The following FRMD3 variants were observed in gnomAD, a reference collection of about 807,000 sequenced individuals.
FRMD3 encodes the protein FERM domain containing 3.
Under a neutral mutation model 70.2 loss-of-function variants are expected in FRMD3, and 33 were observed. The ratio of observed to expected loss-of-function variants is 0.47; its 90% CI spans 0.36 to 0.63. The LOEUF (loss-of-function observed/expected upper bound fraction) is 0.63, where lower values mean the gene tolerates loss of function less well. Among genes scored for constraint, FRMD3 ranks in the 20% least tolerant of loss-of-function variants. The pLI, the probability that FRMD3 is intolerant of heterozygous loss-of-function variation, is 0.00. For missense variants in FRMD3, 632 were observed against 711.4 expected (o/e 0.89, Z 1.27); for synonymous variants, 279 against 255.9 (o/e 1.09, Z -0.86).
chr9:83,482,713 T>C (rs1828596052), intron 1 of FRMD3, among the ~76,000 whole-genome samples: 1 of 152,188 alleles, frequency 6.6e-6, no homozygotes, highest in Admixed American at 6.5e-5. Context: ...TCCTAGGCTA[T>C]GTGCCAAGGG....
At chr9:83,308,662 T>A (rs182293907) in intron 10 of FRMD3, among the ~76,000 whole-genome samples, 157 of 152,314 alleles carry the variant, frequency 1.0e-3, no homozygotes, top group Middle Eastern at 6.8e-3. Flanking sequence ...TGCACAGATC[T>A]CAGTTTGAAC....
intron 1 of FRMD3, among the ~76,000 whole-genome samples, chr9:83,516,968 G>C (rs562623198): frequency 1.3e-5 from 2 of 152,290 alleles, no homozygotes; most frequent in African/African-American, 4.8e-5. Context: ...TACAGCTAAA[G>C]CACTGTTTAG....
chr9:83,385,796 C>T (rs184554775), intron 2 of FRMD3, among the ~76,000 whole-genome samples: 213 of 152,114 alleles, frequency 1.4e-3, no homozygotes, highest in Non-Finnish European at 2.4e-3. Flanking sequence ...ACCAGCATGT[C>T]TCTGTTTATG....
chr9:83,509,331 G>A (rs1156332231), intron 1 of FRMD3, among the ~76,000 whole-genome samples: 1 of 152,132 alleles, frequency 6.6e-6, no homozygotes, highest in African/African-American at 2.4e-5. Context: ...TATGGGTTAG[G>A]TTTAAATTCA....
At position 83,288,447 on chromosome 9, in the gene FRMD3, C is replaced by A. The variant is rs578127830; in HGVS notation, c.1195+2156G>T. Among the ~76,000 whole-genome samples the A allele has an allele frequency of 3.3e-5, 5 of 152,270 alleles. No individual in the cohort carries two copies. In the East Asian group the frequency reaches 5.8e-4, roughly 18 times the overall value. ...AATATTGTTGTTTCTACTTCTCTTG[C>A]TTTTTAATTGAGTCTATATCATGAA... On this transcript the variant is annotated intron_variant, in intron 13 of 13. Transcript: ENST00000304195.
chr9:83,519,299 A>G (rs1829520544), intron 1 of FRMD3, among the ~76,000 whole-genome samples: 1 of 152,232 alleles, frequency 6.6e-6, no homozygotes, highest in Non-Finnish European at 1.5e-5. Flanking sequence ...TAACAAGAAA[A>G]AAACAAACAA....
rs74791100 is a variant in FRMD3, at chr9:83,437,488, T to C, written c.148-47780A>G. ...TTTTAATTTATTGAAAATTACACCT[T>C]GAGATTTTCTTTATCGTTTAGTCCA... On this transcript the variant is annotated intron_variant, in intron 1 of 13. Coordinates refer to ENST00000304195, the MANE Select transcript of FRMD3 (RefSeq NM_174938.6). 5.5e-3 allele frequency among the ~76,000 whole-genome samples: 838 copies of C among 152,308 alleles called. 4 individuals carry two copies. The highest frequency in any genetic ancestry group is 9.1e-3 in the Non-Finnish European group (619 of 68,026).
intron 13 of FRMD3, among the ~76,000 whole-genome samples, chr9:83,282,198 T>C (rs1380747188): frequency 6.6e-6 from 1 of 152,240 alleles, no homozygotes; most frequent in East Asian, 1.9e-4. Context: ...AGAAGAATCC[T>C]GAGGGTATGT....
At chr9:83,310,583 A>C in intron 8 of FRMD3, 35 bp from the exon 9 acceptor site, 1 of 1,544,538 alleles carries the variant, frequency 6.5e-7, no homozygotes, top group Non-Finnish European at 8.7e-7. Context: ...AGAAGAAAAA[A>C]AGTGGCAGCT....
chr9:83,291,682 C>A (rs1049087960), intron 12 of FRMD3, among the ~76,000 whole-genome samples: 1 of 151,988 alleles, frequency 6.6e-6, no homozygotes, highest in East Asian at 1.9e-4. Flanking sequence ...ACTGATCATC[C>A]CCACCTAGAT....
intron 1 of FRMD3, among the ~76,000 whole-genome samples, chr9:83,489,688 A>T (rs1828772893): frequency 6.6e-6 from 1 of 152,222 alleles, no homozygotes; most frequent in Non-Finnish European, 1.5e-5. Context: ...CCATTGTGGA[A>T]AGCAGTTCGA....
chr9:83,547,630 T>C, the FRMD3 span, among the ~76,000 whole-genome samples: 2 of 152,098 alleles, frequency 1.3e-5, no homozygotes, highest in Non-Finnish European at 2.9e-5. Flanking sequence ...GACAGATTAT[T>C]GAGGCAGAAA....
At chr9:83,567,520 T>C in the FRMD3 span, among the ~76,000 whole-genome samples, 1 of 152,254 alleles carries the variant, frequency 6.6e-6, no homozygotes, top group Non-Finnish European at 1.5e-5. Context: ...TACGGCATCA[T>C]CGGGCTACAA....
At chr9:83,530,292 T>C (rs903585931) in intron 1 of FRMD3, among the ~76,000 whole-genome samples, 1 of 152,246 alleles carries the variant, frequency 6.6e-6, no homozygotes, top group Non-Finnish European at 1.5e-5. Context: ...TGGACTGGAC[T>C]ACTATTCAAC....
chr9:83,585,045 T>C, the FRMD3 span, among the ~76,000 whole-genome samples: 4 of 152,162 alleles, frequency 2.6e-5, no homozygotes, highest in African/African-American at 7.2e-5. Flanking sequence ...CTTAGGAACA[T>C]CACTTCTCTC....
Position 83,245,667 on chromosome 9 carries a change from ATAATAT to A in FRMD3, c.*2245_*2250del, listed in dbSNP as rs1478068949. 65 of 881,294 alleles carry A rather than the reference ATAATAT, an allele frequency of 7.4e-5. No individual in the cohort carries two copies. Among genetic ancestry groups the A allele is most frequent in the Non-Finnish European group, 8.7e-5 (64 of 735,214 alleles). 54.6% of individuals were successfully genotyped at this position (881,294 alleles called of 1,614,324 possible). ...AGTTCCATAATTTAAAAAATATTATATAATATTATTTTGAAAGACTGAGGGCCAGAT... is the reference window on the plus strand; with the variant it reads ...AGTTCCATAATTTAAAAAATATTATATATTTTGAAAGACTGAGGGCCAGAT... On this transcript the variant is annotated 3_prime_UTR_variant, in exon 14 of 14. Coordinates refer to ENST00000304195, the MANE Select transcript of FRMD3 (RefSeq NM_174938.6).
intron 1 of FRMD3, among the ~76,000 whole-genome samples, chr9:83,394,553 AATGACAGCT>A (rs1251659756): frequency 2.0e-5 from 3 of 152,154 alleles, no homozygotes; most frequent in African/African-American, 7.2e-5. Flanking sequence ...CTGCTCAATA[AATGACAGCT>A]ATATACTGTT....
Position 83,247,164 on chromosome 9 carries a change from T to A in FRMD3, c.*754A>T, listed in dbSNP as rs567721530. The A allele has an allele frequency of 1.0e-6, 1 of 985,400 alleles. No individual in the cohort carries two copies. Among genetic ancestry groups the A allele is most frequent in the South Asian group, 4.7e-5 (1 of 21,290 alleles). 61.0% of individuals were successfully genotyped at this position (985,400 alleles called of 1,614,324 possible). On this transcript the variant is annotated 3_prime_UTR_variant, in exon 14 of 14. Transcript: ENST00000304195. ...CCCTGAGTCCACTTGATGCTCTCAG[T>A]TTCTACATCCTCCAGTTCCATCCTC...
At position 83,343,278 on chromosome 9, in the gene FRMD3, T is replaced by C. The variant is rs1313342954; in HGVS notation, c.384A>G (p.Leu128=). The change falls in exon 5 of 14, where the codon TTA becomes TTG. Residue 128 remains leucine, a synonymous_variant. Transcript: ENST00000304195. ...KIKEELTRYL[L]YLQIKRDIFH... ...AAATGTCCCTTTTAATCTGAAGGTATAAAAGGTATCTGCAATACAAAAGGA... is the reference window on the plus strand; with the variant it reads ...AAATGTCCCTTTTAATCTGAAGGTACAAAAGGTATCTGCAATACAAAAGGA... 6.8e-6 allele frequency: 11 copies of C among 1,610,498 alleles called. No homozygotes were observed. The highest frequency in any genetic ancestry group is 9.3e-6 in the Non-Finnish European group (11 of 1,176,718).
Sources: gnomAD v4.1 joint callset for allele counts (sites outside exome capture counted in the v4.1 genomes callset) on GRCh38, gnomAD v4.1.1 for gene constraint, MANE v1.5 for transcripts, NCBI Gene and HGNC (gene_info 2026-07-23, HGNC 2026-07-21) for gene names.